Variants in MACROD1 observed in about 807,000 individuals in gnomAD.
MACROD1 encodes mono-ADP ribosylhydrolase 1.
Under a neutral mutation model 41.4 loss-of-function variants are expected in MACROD1, and 31 were observed. That is an observed-to-expected ratio of 0.75 (90% CI 0.56 to 1.01). MACROD1 has a LOEUF of 1.01. Ranked by LOEUF, MACROD1 falls within the 50% of genes least tolerant of loss-of-function variation. The probability of loss-of-function intolerance (pLI) is 0.00; values close to 1 mark genes in which losing one functional copy is unlikely to be tolerated. For synonymous variants in MACROD1, 252 were observed against 203.4 expected (o/e 1.24, Z -2.03); for missense variants, 473 against 460.0 (o/e 1.03, Z -0.26).
chr11:64,056,520 G>C lies in MACROD1; in HGVS notation c.518-41239C>G, dbSNP rs141289708. On this transcript the variant is annotated intron_variant, in intron 3 of 10. Transcript: ENST00000255681. ...CAGACGGACGGAGAGACGGAGCCTG[G>C]GTCTCCATCTGTAGGCAACAGCCGG... is the stretch of plus-strand genomic sequence containing the variant. Among the ~76,000 whole-genome samples, 1,098 of 152,330 alleles carry C rather than the reference G, an allele frequency of 7.2e-3. 16 individuals carry two copies. The highest frequency in any genetic ancestry group is 0.026 in the African/African-American group (1,064 of 41,566).
intron 3 of MACROD1, among the ~76,000 whole-genome samples, chr11:64,127,614 G>T (rs1249297269): frequency 6.6e-6 from 1 of 152,216 alleles, no homozygotes; most frequent in Non-Finnish European, 1.5e-5. Context: ...GGCCCCAGAG[G>T]TCTACTGACA....
At chr11:64,150,155 C>G (rs1158409801) in intron 3 of MACROD1, among the ~76,000 whole-genome samples, 1 of 152,276 alleles carries the variant, frequency 6.6e-6, no homozygotes, top group Non-Finnish European at 1.5e-5. Context: ...AAACACAACT[C>G]AGACCCCACG....
Position 64,120,320 on chromosome 11 carries a change from T to A in MACROD1, c.517+30919A>T, listed in dbSNP as rs1268029901. On this transcript the variant is annotated intron_variant, in intron 3 of 10. Coordinates refer to ENST00000255681, the MANE Select transcript of MACROD1 (RefSeq NM_014067.4). The surrounding 1 kb of genome is among the most constrained non-coding windows in gnomAD (Gnocchi z 4.5). The stretch of plus-strand genomic sequence containing the variant: ...AAACTAGACGTGTTTTTCCTTTTCC[T>A]GCCTGAATCATTTTCTCACACAATA... Among the ~76,000 whole-genome samples the A allele has an allele frequency of 6.6e-6, 1 of 152,220 alleles. No homozygotes were observed.
At chr11:64,018,139 C>T (rs1282352318) in intron 3 of MACROD1, among the ~76,000 whole-genome samples, 2 of 152,156 alleles carry the variant, frequency 1.3e-5, no homozygotes, top group African/African-American at 4.8e-5. Flanking sequence ...TTGCCACAGG[C>T]AGGAGAGTGG....
At chr11:64,016,778 G>C (rs75301560) in intron 3 of MACROD1, among the ~76,000 whole-genome samples, 2,575 of 152,324 alleles carry the variant, frequency 0.017, 34 homozygotes, top group Middle Eastern at 0.054. Context: ...CGCGGGAAGT[G>C]AGGGGGAGGT....
intron 3 of MACROD1, among the ~76,000 whole-genome samples, chr11:64,066,547 A>T (rs1390468201): frequency 6.6e-6 from 1 of 151,508 alleles, no homozygotes; most frequent in Non-Finnish European, 1.5e-5. Flanking sequence ...TGAGCCTGGG[A>T]GGTCAAGGCT....
intron 1 of MACROD1, among the ~76,000 whole-genome samples, chr11:64,154,566 C>T (rs779098174): frequency 6.6e-6 from 1 of 152,192 alleles, no homozygotes; most frequent in Non-Finnish European, 1.5e-5. Context: ...AAACTGCATT[C>T]AAACGCCGGT....
chr11:64,117,786 A>C (rs946325480), intron 3 of MACROD1: 2 of 1,614,134 alleles, frequency 1.2e-6, no homozygotes, highest in Non-Finnish European at 1.7e-6. Context: ...CATCATCTGC[A>C]TGGTCACCAT....
chr11:64,044,479 C>T (rs1943547612), intron 3 of MACROD1, among the ~76,000 whole-genome samples: 2 of 152,082 alleles, frequency 1.3e-5, no homozygotes, highest in Non-Finnish European at 2.9e-5. Flanking sequence ...GAACTCCTGG[C>T]CTCAAGCGAT....
intron 3 of MACROD1, among the ~76,000 whole-genome samples, chr11:64,145,474 G>A (rs151199449): frequency 5.3e-4 from 81 of 152,214 alleles, no homozygotes; most frequent in African/African-American, 1.9e-3. Flanking sequence ...GCCCAGGGCT[G>A]GACAGGCCTG....
At chr11:64,008,772 C>T (rs554292341) in intron 4 of MACROD1, among the ~76,000 whole-genome samples, 18 of 152,212 alleles carry the variant, frequency 1.2e-4, no homozygotes, top group Admixed American at 3.9e-4. Flanking sequence ...TGAGCGGGGT[C>T]GCTAACCTCA....
intron 3 of MACROD1, among the ~76,000 whole-genome samples, chr11:64,095,751 C>T (rs1944564429): frequency 6.6e-6 from 1 of 152,224 alleles, no homozygotes; most frequent in African/African-American, 2.4e-5. Flanking sequence ...ACACTGGACC[C>T]CCAGCACTAG....
intron 1 of MACROD1, among the ~76,000 whole-genome samples, chr11:64,155,507 C>T (rs760785947): frequency 1.5e-4 from 23 of 152,236 alleles, no homozygotes; most frequent in Non-Finnish European, 2.8e-4. Flanking sequence ...CCTTCCCTTG[C>T]TAACACCCAG....
At chr11:64,069,388 G>GAGCC (rs1944064584) in intron 3 of MACROD1, among the ~76,000 whole-genome samples, 1 of 152,206 alleles carries the variant, frequency 6.6e-6, no homozygotes, top group Admixed American at 6.5e-5. Context: ...AAAGCCCCAG[G>GAGCC]AGCCAGACCT....
At chr11:64,017,754 C>T (rs1032711945) in intron 3 of MACROD1, among the ~76,000 whole-genome samples, 2 of 152,102 alleles carry the variant, frequency 1.3e-5, no homozygotes, top group Non-Finnish European at 2.9e-5. Flanking sequence ...TGGCAGCGGT[C>T]GGCAGCTGCC....
chr11:64,012,308 A>G (rs1269503517), intron 4 of MACROD1, among the ~76,000 whole-genome samples: 1 of 152,232 alleles, frequency 6.6e-6, no homozygotes, highest in Admixed American at 6.5e-5. Flanking sequence ...GGATTTGCCA[A>G]AACATCTTTG....
intron 4 of MACROD1, among the ~76,000 whole-genome samples, chr11:64,009,351 C>T (rs923567659): frequency 6.6e-6 from 1 of 152,198 alleles, no homozygotes; most frequent in African/African-American, 2.4e-5. Flanking sequence ...TGGCAGCTGC[C>T]CCAAGCCCAT....
intron 3 of MACROD1, among the ~76,000 whole-genome samples, chr11:64,039,425 G>C (rs1006944329): frequency 1.3e-5 from 2 of 152,108 alleles, no homozygotes; most frequent in African/African-American, 4.8e-5. Context: ...GGTAGCGGGG[G>C]GTCCCTCCTC....
intron 3 of MACROD1, among the ~76,000 whole-genome samples, chr11:64,086,217 C>T (rs1346756686): frequency 6.6e-6 from 1 of 152,168 alleles, no homozygotes; most frequent in East Asian, 1.9e-4. Flanking sequence ...GGGCTTAGCT[C>T]AGAGCCCACC....
Sources: allele counts gnomAD v4.1 joint callset (sites outside exome capture counted in the v4.1 genomes callset), GRCh38; gene constraint gnomAD v4.1.1; non-coding constraint Gnocchi (gnomAD v3.1); transcripts MANE v1.5; gene names NCBI Gene and HGNC (gene_info 2026-07-23, HGNC 2026-07-21).